NECTIN1: variants seen among roughly 807,000 people sequenced by gnomAD.
NECTIN1 encodes nectin-1.
NECTIN1 carries 23 observed loss-of-function variants against 48.0 expected under a neutral mutation model. That is an observed-to-expected ratio of 0.48 (90% CI 0.34 to 0.68). The LOEUF (loss-of-function observed/expected upper bound fraction) is 0.68. Ranked by LOEUF, NECTIN1 falls within the 30% of genes least tolerant of loss-of-function variation. NECTIN1 has a pLI of 0.01. For missense variants in NECTIN1, 591 were observed against 709.9 expected (o/e 0.83, Z 1.90); for synonymous variants, 270 against 288.9 (o/e 0.93, Z 0.66).
chr11:119,688,125 A>G (rs1421221700), intron 1 of NECTIN1, among the ~76,000 whole-genome samples: 4 of 152,176 alleles, frequency 2.6e-5, no homozygotes, highest in Non-Finnish European at 5.9e-5. Flanking sequence ...ACTTCGAGAA[A>G]GGTGCATTAA....
chr11:119,672,619 G>C lies in NECTIN1; in HGVS notation c.1003+2540C>G, dbSNP rs1440933659. On this transcript the variant is annotated intron_variant, in intron 5 of 5. Coordinates refer to ENST00000264025, the MANE Select transcript of NECTIN1 (RefSeq NM_002855.5). This position sits in a 1 kb window ranked among gnomAD's most constrained non-coding sequence, Gnocchi z 4.3. ...GCCGGTGCCATCCACACAGCCCCCT[G>C]AATGCTCAGTCTAACCCACACACCT... 6.6e-6 allele frequency among the ~76,000 whole-genome samples: 1 copy of C among 152,156 alleles called. No individual in the cohort carries two copies. Among genetic ancestry groups the C allele is most frequent in the African/African-American group, 2.4e-5 (1 of 41,426 alleles).
rs1864881356 is a variant in NECTIN1 at position 119,672,808 on chromosome 11, C to CCAGCAACCACTCAGTGCTCCTTCCT, written c.1003+2326_1003+2350dup. Among the ~76,000 whole-genome samples, 1 of 152,178 alleles carries CCAGCAACCACTCAGTGCTCCTTCCT rather than the reference C, an allele frequency of 6.6e-6. No homozygotes were observed. Among genetic ancestry groups the CCAGCAACCACTCAGTGCTCCTTCCT allele is most frequent in the African/African-American group, 2.4e-5 (1 of 41,442 alleles). ...CCAGCCCTGCCTACTCACTCATCTC[C>CCAGCAACCACTCAGTGCTCCTTCCT]CAGCAACCACTCAGTGCTCCTTCCT... is the stretch of plus-strand genomic sequence containing the variant. On this transcript the variant is annotated intron_variant, in intron 5 of 5. Coordinates refer to ENST00000264025, the MANE Select transcript of NECTIN1 (RefSeq NM_002855.5). This position sits in a 1 kb window ranked among gnomAD's most constrained non-coding sequence, Gnocchi z 4.3.
At chr11:119,700,054 T>C (rs1223835622) in intron 1 of NECTIN1, among the ~76,000 whole-genome samples, 3 of 152,210 alleles carry the variant, frequency 2.0e-5, no homozygotes, top group Non-Finnish European at 1.5e-5. Flanking sequence ...AAAGGCACTG[T>C]AGCGACAACC....
chr11:119,728,761 C>T lies in NECTIN1; in HGVS notation c.-208G>A, dbSNP rs1055536877. ...CCGGGCCGCCGCCGGCTCAGAGGCT[C>T]GGCAGATGCCCGCCGCAAGTTGCAC... On this transcript the variant is annotated 5_prime_UTR_variant, in exon 1 of 6. Transcript: ENST00000264025. 5.8e-5 allele frequency: 26 copies of T among 446,048 alleles called. No homozygotes were observed. The Admixed American group carries it at 9.3e-4, about 16-fold the overall frequency. The allele number at this position is 446,048 out of a possible 1,614,324, so 27.6% of individuals were successfully genotyped here. A position where few individuals can be genotyped will look rare whatever the true frequency, so the allele number is the denominator to read the frequency against.
At position 119,677,964 on chromosome 11, in the gene NECTIN1, GC is replaced by G; in HGVS notation, c.431-108del. ...CAGGCCTTGTCTTCAGGTCCCCTTGGCCATCCCTGCCTCTCAGCTGTGCTGC... is the reference window on the plus strand; with the variant it reads ...CAGGCCTTGTCTTCAGGTCCCCTTGGCATCCCTGCCTCTCAGCTGTGCTGC... On this transcript the variant is annotated intron_variant, in intron 2 of 5. Transcript: ENST00000264025. The surrounding 1 kb of genome is among the most constrained non-coding windows in gnomAD (Gnocchi z 5.4). 9.2e-7 allele frequency: 1 copy of G among 1,090,530 alleles called. No individual in the cohort carries two copies. Among genetic ancestry groups the G allele is most frequent in the Non-Finnish European group, 1.4e-6 (1 of 731,516 alleles). The allele number at this position is 1,090,530 out of a possible 1,614,324, so 67.6% of individuals were successfully genotyped here.
intron 1 of NECTIN1, among the ~76,000 whole-genome samples, chr11:119,700,336 G>A (rs1429514972): frequency 2.0e-5 from 3 of 152,198 alleles, no homozygotes; most frequent in Admixed American, 6.5e-5. Flanking sequence ...TGTCAAGTGC[G>A]GACACCTAGT....
chr11:119,702,111 G>A (rs1865466361), intron 1 of NECTIN1, among the ~76,000 whole-genome samples: 1 of 152,204 alleles, frequency 6.6e-6, no homozygotes, highest in African/African-American at 2.4e-5. Context: ...GGGGACAGCT[G>A]ACAGTGCCCT....
In NECTIN1 at chr11:119,661,600, A is replaced by G. The variant is rs1864666429; in HGVS notation, c.*3147T>C. Reference sequence around the variant, plus strand: ...TCAGCAGAGCTGCCCACACCCACCTAACACAATTCCCAATTTCTCTGCTCT... The same window carrying G: ...TCAGCAGAGCTGCCCACACCCACCTGACACAATTCCCAATTTCTCTGCTCT... On this transcript the variant is annotated 3_prime_UTR_variant, in exon 6 of 6. Transcript: ENST00000264025. 1.0e-6 allele frequency: 1 copy of G among 985,710 alleles called. No individual in the cohort carries two copies. The highest frequency in any genetic ancestry group is 6.1e-5 in the Admixed American group (1 of 16,268). The allele number at this position is 985,710 out of a possible 1,614,324, so 61.1% of individuals were successfully genotyped here.
At chr11:119,642,900 TC>T (rs1864347324) in intron 5 of NECTIN1, 1 of 153,724 alleles carries the variant, frequency 6.5e-6, no homozygotes, top group Non-Finnish European at 1.5e-5. Context: ...CTCTCCATTT[TC>T]TTTTTTTCTG....
chr11:119,662,488 G>A lies in NECTIN1; in HGVS notation c.*2259C>T, dbSNP rs1303603725. On this transcript the variant is annotated 3_prime_UTR_variant, in exon 6 of 6. Coordinates refer to ENST00000264025, the MANE Select transcript of NECTIN1 (RefSeq NM_002855.5). The surrounding 1 kb of genome is among the most constrained non-coding windows in gnomAD (Gnocchi z 5.3). ...GGGGAGGGTGTGGAGGTGTCTTAAG[G>A]GGGAACTCAGTGCTTTGGCTGGGCT... The A allele has an allele frequency of 3.0e-6, 3 of 985,762 alleles. No individual in the cohort carries two copies. Among genetic ancestry groups the A allele is most frequent in the Admixed American group, 6.2e-5 (1 of 16,256 alleles). 61.1% of individuals were successfully genotyped at this position (985,762 alleles called of 1,614,324 possible). A position where few individuals can be genotyped will look rare whatever the true frequency, so the allele number is the denominator to read the frequency against.
At chr11:119,717,900 T>G (rs570349355) in intron 1 of NECTIN1, among the ~76,000 whole-genome samples, 2 of 152,306 alleles carry the variant, frequency 1.3e-5, no homozygotes, top group South Asian at 2.1e-4. Flanking sequence ...ACTTCCTAGG[T>G]GCAGGGCAGA....
At chr11:119,640,007 G>A (rs1864301226) in exon 6 of NECTIN1, 11 of 1,611,248 alleles carry the variant, frequency 6.8e-6, no homozygotes, top group African/African-American at 1.3e-5. Context: ...TGGGGGCGGG[G>A]CTTTTCTGGA....
At chr11:119,696,689 AAC>A (rs1180029203) in intron 1 of NECTIN1, among the ~76,000 whole-genome samples, 1 of 152,142 alleles carries the variant, frequency 6.6e-6, no homozygotes, top group African/African-American at 2.4e-5. Context: ...GGCTGGCAGG[AAC>A]CAGGAAAGGG....
Position 119,662,472 on chromosome 11 carries a change from G to A in NECTIN1, c.*2275C>T, listed in dbSNP as rs1864683850. 5.1e-6 allele frequency: 5 copies of A among 985,866 alleles called. No individual in the cohort carries two copies. The highest frequency in any genetic ancestry group is 6.0e-6 in the Non-Finnish European group (5 of 830,016). 61.1% of individuals were successfully genotyped at this position (985,866 alleles called of 1,614,324 possible). ...TTTGTGCTTTGCTTGTGGGGAGGGT[G>A]TGGAGGTGTCTTAAGGGGGAACTCA... On this transcript the variant is annotated 3_prime_UTR_variant, in exon 6 of 6. Transcript: ENST00000264025. The surrounding 1 kb of genome is among the most constrained non-coding windows in gnomAD (Gnocchi z 5.3).
chr11:119,654,256 C>CATCA (rs1491145593), intron 5 of NECTIN1: 1 of 120,214 alleles, frequency 8.3e-6, no homozygotes, highest in African/African-American at 5.2e-5. Flanking sequence ...TTCATCCATC[C>CATCA]ATCCATCCAT....
intron 5 of NECTIN1, among the ~76,000 whole-genome samples, chr11:119,643,884 C>T (rs538621009): frequency 6.6e-6 from 1 of 152,354 alleles, no homozygotes; most frequent in Admixed American, 6.5e-5. Context: ...GGGCTGGACC[C>T]TGTCCTTGCA....
In NECTIN1 at chr11:119,727,477, C is replaced by T. The variant is rs369513045; in HGVS notation, c.79+998G>A. Among the ~76,000 whole-genome samples the T allele has an allele frequency of 6.6e-6, 1 of 152,216 alleles. No individual in the cohort carries two copies. Among genetic ancestry groups the T allele is most frequent in the African/African-American group, 2.4e-5 (1 of 41,468 alleles). On this transcript the variant is annotated intron_variant, in intron 1 of 5. Transcript: ENST00000264025. This position sits in a 1 kb window ranked among gnomAD's most constrained non-coding sequence, Gnocchi z 4.1. ...TGGAGGAACTCCCCACACCCCTTGA[C>T]CCACGCTTGGTGTCCAGTCAGCCGG... is the stretch of plus-strand genomic sequence containing the variant.
intron 5 of NECTIN1, among the ~76,000 whole-genome samples, chr11:119,666,884 G>C (rs933047385): frequency 1.3e-5 from 2 of 152,118 alleles, no homozygotes; most frequent in Non-Finnish European, 2.9e-5. Context: ...GAATTTGGGC[G>C]GGAAGGGCTG....
At chr11:119,648,283 G>GTGA (rs1406257396) in intron 5 of NECTIN1, among the ~76,000 whole-genome samples, 10 of 11,260 alleles carry the variant, frequency 8.9e-4, no homozygotes, top group South Asian at 1.9e-3. Context: ...GGTGATGGTG[G>GTGA]TGGTGATGGT....
Sources: allele counts gnomAD v4.1 joint callset (sites outside exome capture counted in the v4.1 genomes callset), GRCh38; gene constraint gnomAD v4.1.1; non-coding constraint Gnocchi (gnomAD v3.1); transcripts MANE v1.5; gene names NCBI Gene and HGNC (gene_info 2026-07-23, HGNC 2026-07-21).